The following PCDH9 variants were observed in gnomAD, a reference collection of about 807,000 sequenced individuals.
The protein encoded by PCDH9 is protocadherin 9.
PCDH9 carries 24 observed loss-of-function variants against 70.6 expected under a neutral mutation model. The observed-to-expected ratio is 0.34, with a 90% CI of 0.25 to 0.48. PCDH9 has a LOEUF of 0.48. Ranked by LOEUF, PCDH9 falls within the 20% of genes least tolerant of loss-of-function variation. The pLI is 0.99. For synonymous variants in PCDH9, 562 were observed against 558.5 expected (o/e 1.01, Z -0.09); for missense variants, 1,281 against 1,503.6 (o/e 0.85, Z 2.45).
intron 3 of PCDH9, among the ~76,000 whole-genome samples, chr13:66,668,349 T>C (rs1294173078): frequency 6.6e-6 from 1 of 152,164 alleles, no homozygotes; most frequent in East Asian, 1.9e-4. Flanking sequence ...TTTCCAACCT[T>C]TCTTTGTCAT....
chr13:67,025,101 G>C (rs748638253), intron 2 of PCDH9, among the ~76,000 whole-genome samples: 20 of 152,204 alleles, frequency 1.3e-4, no homozygotes, highest in Non-Finnish European at 2.2e-4. Context: ...CACATTCTTT[G>C]TCTCAGTAAA....
At chr13:66,869,750 C>T (rs1174982822) in intron 3 of PCDH9, among the ~76,000 whole-genome samples, 4 of 152,112 alleles carry the variant, frequency 2.6e-5, no homozygotes, top group African/African-American at 4.8e-5. Flanking sequence ...GTCAACAGCA[C>T]CACGTCAACC....
chr13:67,165,418 A>G (rs1270586239), intron 2 of PCDH9, among the ~76,000 whole-genome samples: 1 of 152,168 alleles, frequency 6.6e-6, no homozygotes, highest in East Asian at 1.9e-4. Flanking sequence ...TTACAATAAT[A>G]ATAGTGAATA....
chr13:67,080,918 G>A (rs1434116081), intron 2 of PCDH9, among the ~76,000 whole-genome samples: 3 of 152,140 alleles, frequency 2.0e-5, no homozygotes, highest in South Asian at 2.1e-4. Flanking sequence ...AATTATTTGA[G>A]TGAACTTGTT....
intron 2 of PCDH9, among the ~76,000 whole-genome samples, chr13:66,996,778 T>G (rs971807412): frequency 1.3e-5 from 2 of 152,220 alleles, no homozygotes; most frequent in Non-Finnish European, 2.9e-5. Flanking sequence ...AGTGTCTGGT[T>G]TCTTGCAGAA....
chr13:66,829,176 C>T (rs941873966), intron 3 of PCDH9, among the ~76,000 whole-genome samples: 4 of 152,058 alleles, frequency 2.6e-5, no homozygotes, highest in African/African-American at 4.8e-5. Flanking sequence ...TGCCACCATG[C>T]CCGGCTAGTA....
chr13:67,137,549 C>T (rs2087264030), intron 2 of PCDH9, among the ~76,000 whole-genome samples: 1 of 152,118 alleles, frequency 6.6e-6, no homozygotes, highest in Non-Finnish European at 1.5e-5. Context: ...CACAGCAGAG[C>T]TGTGTTGTAA....
chr13:66,364,220 T>G (rs1956517815), intron 4 of PCDH9, among the ~76,000 whole-genome samples: 1 of 152,180 alleles, frequency 6.6e-6, no homozygotes, highest in Non-Finnish European at 1.5e-5. Context: ...GTTTTACTTT[T>G]TGTGCTTATT....
At chr13:66,520,056 C>T (rs1226889297) in intron 4 of PCDH9, among the ~76,000 whole-genome samples, 3 of 152,086 alleles carry the variant, frequency 2.0e-5, no homozygotes, top group Non-Finnish European at 4.4e-5. Flanking sequence ...GTCCTGACTG[C>T]GAGCAATGAT....
chr13:66,729,674 T>C (rs1193179840), intron 3 of PCDH9, among the ~76,000 whole-genome samples: 1 of 152,194 alleles, frequency 6.6e-6, no homozygotes, highest in African/African-American at 2.4e-5. Flanking sequence ...TACATTGCTA[T>C]TGTTGCTCCT....
At chr13:66,921,936 G>A (rs1452873859) in intron 2 of PCDH9, among the ~76,000 whole-genome samples, 2 of 151,158 alleles carry the variant, frequency 1.3e-5, no homozygotes, top group East Asian at 1.9e-4. Context: ...AACAATTAAG[G>A]TCAATTTACT....
At chr13:67,071,949 C>A (rs139455768) in intron 2 of PCDH9, among the ~76,000 whole-genome samples, 1 of 148,424 alleles carries the variant, frequency 6.7e-6, no homozygotes, top group Non-Finnish European at 1.5e-5. Context: ...AATCTGTTAC[C>A]TTATAAATCT....
At chr13:66,386,429 T>C (rs1381323728) in intron 4 of PCDH9, among the ~76,000 whole-genome samples, 2 of 152,176 alleles carry the variant, frequency 1.3e-5, no homozygotes, top group African/African-American at 4.8e-5. Context: ...TGGATGGGGG[T>C]TGAACTGGTG....
chr13:66,576,175 A>C (rs2076812355), intron 4 of PCDH9, among the ~76,000 whole-genome samples: 1 of 151,798 alleles, frequency 6.6e-6, no homozygotes, highest in African/African-American at 2.4e-5. Context: ...ATTCAAATCA[A>C]GTCTTCATTT....
intron 3 of PCDH9, among the ~76,000 whole-genome samples, chr13:66,646,911 T>G (rs1452628068): frequency 1.3e-5 from 2 of 152,048 alleles, no homozygotes; most frequent in African/African-American, 4.8e-5. Flanking sequence ...GAGAGCGCAG[T>G]GATTGTGAGA....
chr13:67,063,948 A>G (rs1304126362), intron 2 of PCDH9, among the ~76,000 whole-genome samples: 1 of 152,202 alleles, frequency 6.6e-6, no homozygotes, highest in Non-Finnish European at 1.5e-5. Context: ...AGAGAGAGCA[A>G]GAACATTTTG....
chr13:66,535,442 C>T (rs1727284496), intron 4 of PCDH9, among the ~76,000 whole-genome samples: 1 of 151,982 alleles, frequency 6.6e-6, no homozygotes, highest in Non-Finnish European at 1.5e-5. Context: ...GAATTACAAG[C>T]TAATAGGTTG....
chr13:66,447,270 C>T (rs1215862315), intron 4 of PCDH9, among the ~76,000 whole-genome samples: 1 of 151,974 alleles, frequency 6.6e-6, no homozygotes, highest in African/African-American at 2.4e-5. Flanking sequence ...CATTTTTCAA[C>T]ACAACTCCAC....
rs34026647 is a variant in PCDH9 at position 66,801,014 on chromosome 13, C to CTTT, written c.3138+102487_3138+102489dup. Among the ~76,000 whole-genome samples, 164 of 137,940 alleles carry CTTT rather than the reference C, an allele frequency of 1.2e-3. 3 individuals carry two copies. The highest frequency in any genetic ancestry group is 3.1e-3 in the Admixed American group (42 of 13,498). 90.5% of individuals were successfully genotyped at this position (137,940 alleles called of 152,430 possible). ...GCATTTGGAGCATTTTCTTTCTTTC[C>CTTT]TTTTTTTTTTTTTTCGCCACAGCAA... On this transcript the variant is annotated intron_variant, in intron 3 of 4. Transcript: ENST00000377865.
Sources: gnomAD v4.1 joint callset for allele counts (sites outside exome capture counted in the v4.1 genomes callset) on GRCh38, gnomAD v4.1.1 for gene constraint, MANE v1.5 for transcripts, NCBI Gene and HGNC (gene_info 2026-07-23, HGNC 2026-07-21) for gene names.